The following PPM1N variants were observed in gnomAD, a reference collection of about 807,000 sequenced individuals.
PPM1N encodes the protein protein phosphatase, Mg2+/Mn2+ dependent 1N (putative), also known as probable protein phosphatase 1N.
PPM1N carries 35 observed loss-of-function variants against 32.6 expected under a neutral mutation model. The ratio of observed to expected loss-of-function variants is 1.07; its 90% confidence interval spans 0.82 to 1.43. The LOEUF is 1.43. Ranked by LOEUF, PPM1N falls within the 40% of genes most tolerant of loss-of-function variation. The probability of loss-of-function intolerance (pLI) is 0.00; values close to 1 mark genes in which losing one functional copy is unlikely to be tolerated. For synonymous variants in PPM1N, 275 were observed against 270.5 expected (o/e 1.02, Z -0.16); for missense variants, 648 against 606.6 (o/e 1.07, Z -0.72).
intron 2 of PPM1N, 90 bp from the exon 3 acceptor site, chr19:45,500,366 C>A: frequency 8.4e-7 from 1 of 1,193,982 alleles, no homozygotes; most frequent in Non-Finnish European, 1.2e-6. Flanking sequence ...AACCCCTGGC[C>A]TCAAGTGATC....
chr19:45,498,556 AGAGGAGGAG>A lies in PPM1N; in HGVS notation c.92_100del (p.Glu31_Glu33del). ...AGAGGGAGAAGGAGGGGAGGGAGGA[AGAGGAGGAG>A]GAGGAGGCGGGGCGCAGGGCCCCCG... is the stretch of plus-strand genomic sequence containing the variant. On this transcript the variant is annotated inframe_deletion, in exon 1 of 5. Coordinates refer to ENST00000451287, the MANE Select transcript of PPM1N (RefSeq NM_001080401.2). The A allele has an allele frequency of 2.7e-6, 4 of 1,456,830 alleles. No homozygotes were observed. Among genetic ancestry groups the A allele is most frequent in the South Asian group, 1.4e-5 (1 of 72,098 alleles). The allele number at this position is 1,456,830 out of a possible 1,614,324, so 90.2% of individuals were successfully genotyped here.
Position 45,502,170 on chromosome 19 carries a change from G to C in PPM1N, c.*85G>C. 9.3e-7 allele frequency: 1 copy of C among 1,080,798 alleles called. No individual in the cohort carries two copies. Among genetic ancestry groups the C allele is most frequent in the South Asian group, 1.4e-5 (1 of 73,154 alleles). 67.0% of individuals were successfully genotyped at this position (1,080,798 alleles called of 1,614,324 possible). ...AAACCGACCCTTTCCCCAACTACAT[G>C]TACCAGCGGAAGGAAGGAAGGCCAA... On this transcript the variant is annotated 3_prime_UTR_variant, in exon 5 of 5. Transcript: ENST00000451287.
rs986529417 is a variant in PPM1N, at chr19:45,499,171, G to C, written c.699G>C (p.Leu233Phe). 1.3e-6 allele frequency: 2 copies of C among 1,529,628 alleles called. No homozygotes were observed. The highest frequency in any genetic ancestry group is 1.7e-4 in the Middle Eastern group (1 of 5,762). The allele number at this position is 1,529,628 out of a possible 1,614,324, so 94.8% of individuals were successfully genotyped here. A position where few individuals can be genotyped will look rare whatever the true frequency, so the allele number is the denominator to read the frequency against. ...GCTCTCTGGCCGTGTCGCGAGCGTT[G>C]GGCGACTTTACCTACAAGGAGGCTC... ...VEGSLAVSRA[L>F]GDFTYKEAPG... The change falls in exon 1 of 5, where the codon TTG becomes TTC. Residue 233 changes from leucine to phenylalanine, a missense_variant. By Grantham distance (22) the Leu-to-Phe change is conservative. Transcript: ENST00000451287.
chr19:45,498,752 C>T lies in PPM1N; in HGVS notation c.280C>T (p.Pro94Ser). ...TTGGCTTTCGTTACCTGGTCTGCCC[C>T]CGGGCTGGGCCTTGTTTGCCGTCCT... ...CTWLSLPGLP[P>S]GWALFAVLDG... Residue 94 changes from proline (P) to serine (S), a missense_variant, in exon 1 of 5, where the codon CCG (proline) becomes TCG (serine). Physicochemically the swap from Pro to Ser is moderately conservative, Grantham distance 74 (BLOSUM62 -1). Coordinates refer to ENST00000451287, the MANE Select transcript of PPM1N (RefSeq NM_001080401.2). 2 of 1,558,026 alleles carry T rather than the reference C, an allele frequency of 1.3e-6. No homozygotes were observed. Among genetic ancestry groups the T allele is most frequent in the Admixed American group, 3.8e-5 (2 of 52,394 alleles).
chr19:45,500,378 G>A (rs139795640), intron 2 of PPM1N, 78 bp from the exon 3 acceptor site: 50 of 1,305,628 alleles, frequency 3.8e-5, no homozygotes, highest in South Asian at 3.8e-4. Context: ...CAAGTGATCC[G>A]CCCGCCTTGG....
Position 45,498,677 on chromosome 19 carries a change from G to A in PPM1N, c.205G>A (p.Ala69Thr). ...GGCGTCTGGGGGCCTGCGCTTCGGG[G>A]CGAGCGCAGCGCAAGGCTGGCGCGC... is the stretch of plus-strand genomic sequence containing the variant. ...AEASGGLRFG[A>T]SAAQGWRARM... The change falls in exon 1 of 5, where the codon GCG becomes ACG. Residue 69 changes from alanine (A) to threonine (T), a missense_variant. Transcript: ENST00000451287. The A allele has an allele frequency of 6.9e-7, 1 of 1,448,494 alleles. No homozygotes were observed. The highest frequency in any genetic ancestry group is 2.9e-5 in the East Asian group (1 of 34,030). 89.7% of individuals were successfully genotyped at this position (1,448,494 alleles called of 1,614,324 possible).
At chr19:45,500,902 G>A (rs1410556110) in intron 4 of PPM1N, among the ~76,000 whole-genome samples, 192 bp downstream of exon 4, 2 of 142,290 alleles carry the variant, frequency 1.4e-5, no homozygotes, top group Non-Finnish European at 3.0e-5. Flanking sequence ...TTTTTTTTTA[G>A]ACTGGGTCTC....
chr19:45,502,322 A>AAC lies in PPM1N; in HGVS notation c.*238_*239insCA. The AAC allele has an allele frequency of 3.7e-6, 2 of 536,242 alleles. No homozygotes were observed. Among genetic ancestry groups the AAC allele is most frequent in the Non-Finnish European group, 6.4e-6 (2 of 310,420 alleles). 33.2% of individuals were successfully genotyped at this position (536,242 alleles called of 1,614,324 possible). On this transcript the variant is annotated 3_prime_UTR_variant, in exon 5 of 5. Coordinates refer to ENST00000451287, the MANE Select transcript of PPM1N (RefSeq NM_001080401.2). Reference sequence around the variant, plus strand: ...AAGCCCAAATCGAAAAAAAAAAAAAAAAAAAAAAAAAACAAAAAAACCCAA... The same window carrying AAC: ...AAGCCCAAATCGAAAAAAAAAAAAAAACAAAAAAAAAAAACAAAAAAACCCAA...
rs886942273 is a variant in PPM1N at position 45,502,407 on chromosome 19, A to ACCTCTTTCCT, written c.*323_*332dup. The ACCTCTTTCCT allele has an allele frequency of 4.1e-6, 2 of 487,636 alleles. No homozygotes were observed. The highest frequency in any genetic ancestry group is 4.1e-5 in the African/African-American group (2 of 48,778). 30.2% of individuals were successfully genotyped at this position (487,636 alleles called of 1,614,324 possible). A position where few individuals can be genotyped will look rare whatever the true frequency, so the allele number is the denominator to read the frequency against. On this transcript the variant is annotated 3_prime_UTR_variant, in exon 5 of 5. Transcript: ENST00000451287. ...TTCTGAGAGATAACCCAGTCCAATA[A>ACCTCTTTCCT]CCTCTTTCCTTCTTATTACTCATCT...
intron 4 of PPM1N, 129 bp downstream of exon 4, chr19:45,500,839 T>C: frequency 2.9e-6 from 2 of 694,422 alleles, no homozygotes; most frequent in Non-Finnish European, 4.9e-6. Context: ...TCCTCTTTTC[T>C]CTTCTTTCTT....
chr19:45,498,638 C>A lies in PPM1N; in HGVS notation c.166C>A (p.His56Asn). Reference sequence around the variant, plus strand: ...AGCGCCGCGCCGCGCCCAGCGGCCGCACGGGGGTGCCGAGGCGTCTGGGGG... The same window carrying A: ...AGCGCCGCGCCGCGCCCAGCGGCCGAACGGGGGTGCCGAGGCGTCTGGGGG... ...LTAPRRAQRP[H>N]GGAEASGGLR... The change falls in exon 1 of 5, where the codon CAC becomes AAC. Residue 56 changes from histidine to asparagine, a missense_variant. By Grantham distance (68) the His-to-Asn change is moderately conservative. Coordinates refer to ENST00000451287, the MANE Select transcript of PPM1N (RefSeq NM_001080401.2). The A allele has an allele frequency of 7.1e-7, 1 of 1,414,722 alleles. No homozygotes were observed. The allele number at this position is 1,414,722 out of a possible 1,614,324, so 87.6% of individuals were successfully genotyped here.
At chr19:45,500,815 C>T in intron 4 of PPM1N, 105 bp downstream of exon 4, 1 of 815,012 alleles carries the variant, frequency 1.2e-6, no homozygotes, top group Non-Finnish European at 2.0e-6. Flanking sequence ...AGGGATTTGC[C>T]TGATATATTT....
At chr19:45,500,749 G>T in intron 4 of PPM1N, 39 bp downstream of exon 4, 1 of 1,523,938 alleles carries the variant, frequency 6.6e-7, no homozygotes, top group Middle Eastern at 2.1e-4. Flanking sequence ...TCTTAGGAGG[G>T]GACGCCCCCC....
rs1342577960 is a variant in PPM1N at position 45,502,374 on chromosome 19, C to T, written c.*289C>T. 4 of 538,524 alleles carry T rather than the reference C, an allele frequency of 7.4e-6. No homozygotes were observed. Among genetic ancestry groups the T allele is most frequent in the South Asian group, 5.3e-5 (2 of 37,878 alleles). The allele number at this position is 538,524 out of a possible 1,614,324, so 33.4% of individuals were successfully genotyped here. ...CAAATGTTTTTGAAATATTCAGAGC[C>T]GAACAGATTCTGAGAGATAACCCAG... On this transcript the variant is annotated 3_prime_UTR_variant, in exon 5 of 5. Transcript: ENST00000451287.
chr19:45,498,623 C>A lies in PPM1N; in HGVS notation c.151C>A (p.Arg51Ser). The change falls in exon 1 of 5, where the codon CGC (arginine) becomes AGC (serine). Residue 51 changes from arginine to serine, a missense_variant. Coordinates refer to ENST00000451287, the MANE Select transcript of PPM1N (RefSeq NM_001080401.2). Reference sequence around the variant, plus strand: ...TCGGTCTCTGTTGACAGCGCCGCGCCGCGCCCAGCGGCCGCACGGGGGTGC... The same window carrying A: ...TCGGTCTCTGTTGACAGCGCCGCGCAGCGCCCAGCGGCCGCACGGGGGTGC... ...GPRSLLTAPR[R>S]AQRPHGGAEA... The A allele has an allele frequency of 7.1e-7, 1 of 1,416,400 alleles. No individual in the cohort carries two copies. The highest frequency in any genetic ancestry group is 1.5e-5 in the South Asian group (1 of 65,716). The allele number at this position is 1,416,400 out of a possible 1,614,324, so 87.7% of individuals were successfully genotyped here.
At position 45,498,843 on chromosome 19, in the gene PPM1N, A is replaced by C. The variant is rs764098018; in HGVS notation, c.371A>C (p.Gln124Pro). The stretch of plus-strand genomic sequence containing the variant: ...CGCCATTTGCCAGGCCATGTGCTCC[A>C]GGAGCTGGGCCCGGAGCCTAGCGAG... Reference protein sequence around the residue: ...GARHLPGHVLQELGPEPSEPE... With the variant: ...GARHLPGHVLPELGPEPSEPE... The change falls in exon 1 of 5, where the codon CAG becomes CCG. Residue 124 changes from glutamine (Q) to proline (P), a missense_variant. Physicochemically the swap from Gln to Pro is moderately conservative, Grantham distance 76. Transcript: ENST00000451287. 87 of 1,537,458 alleles carry C rather than the reference A, an allele frequency of 5.7e-5. No homozygotes were observed. The highest frequency in any genetic ancestry group is 1.4e-4 in the Admixed American group (7 of 50,794).
rs1968387238 is a variant in PPM1N, at chr19:45,500,082, G to A, written c.1057+16G>A. 1.9e-6 allele frequency: 3 copies of A among 1,572,334 alleles called. No homozygotes were observed. The highest frequency in any genetic ancestry group is 2.6e-6 in the Non-Finnish European group (3 of 1,158,066). On this transcript the variant is annotated intron_variant, in intron 2 of 4. Coordinates refer to ENST00000451287, the MANE Select transcript of PPM1N (RefSeq NM_001080401.2). ...AGAATCGCTGGTGAGCAGACTCTGG[G>A]GGCCCAGCTGGAGGGGTGGTTGGCC...
In PPM1N at chr19:45,500,002, G is replaced by C. The variant is rs1330665576; in HGVS notation, c.993G>C (p.Arg331Ser). 6.2e-7 allele frequency: 1 copy of C among 1,604,764 alleles called. No homozygotes were observed. Among genetic ancestry groups the C allele is most frequent in the East Asian group, 2.2e-5 (1 of 44,650 alleles). ...TGGTCTGCTTCCCTGGGGCCCCTAG[G>C]CCTTCTGAGGAGGCGATCAGGAGGG... ...CILVCFPGAP[R>S]PSEEAIRREL... The change falls in exon 2 of 5, where the codon AGG becomes AGC. Residue 331 changes from arginine to serine, a missense_variant. Coordinates refer to ENST00000451287, the MANE Select transcript of PPM1N (RefSeq NM_001080401.2).
chr19:45,501,343 A>G (rs1403771906), intron 4 of PPM1N, among the ~76,000 whole-genome samples: 1 of 152,234 alleles, frequency 6.6e-6, no homozygotes, highest in East Asian at 1.9e-4. Flanking sequence ...AAAGATGTAT[A>G]GTGGTGGACC....
Sources: allele counts gnomAD v4.1 joint callset (sites outside exome capture counted in the v4.1 genomes callset), GRCh38; gene constraint gnomAD v4.1.1; transcripts MANE v1.5; gene names NCBI Gene and HGNC (gene_info 2026-07-23, HGNC 2026-07-21).